Variants in SF3B2 observed in about 807,000 individuals in gnomAD.
SF3B2 encodes splicing factor 3b subunit 2.
A neutral mutation model predicts 116.3 loss-of-function variants in SF3B2; 22 were observed. That is an observed-to-expected ratio of 0.19 (90% CI 0.14 to 0.27). SF3B2 has a LOEUF of 0.27. Among genes scored for constraint, SF3B2 ranks in the 10% least tolerant of loss-of-function variants. The pLI is 1.00. For missense variants in SF3B2, 767 were observed against 1,151.4 expected (o/e 0.67, Z 4.83); for synonymous variants, 406 against 421.6 (o/e 0.96, Z 0.45).
chr11:66,052,915 C>T (rs1049806322), intron 2 of SF3B2, 112 bp from the exon 3 acceptor site: 15 of 1,289,258 alleles, frequency 1.2e-5, no homozygotes, highest in Admixed American at 8.6e-5. Context: ...AGTGCCCAGC[C>T]AGAGCGCTGG....
rs777386858 is a variant in SF3B2, at chr11:66,063,128, G to T, written c.2085+12G>T. ...CTGCTGAATTTCAGGTATGGGCCATGTACTAGCGATCTTGGTTTTACTTAA... is the reference window on the plus strand; with the variant it reads ...CTGCTGAATTTCAGGTATGGGCCATTTACTAGCGATCTTGGTTTTACTTAA... On this transcript the variant is annotated intron_variant, in intron 17 of 21. Coordinates refer to ENST00000322535, the MANE Select transcript of SF3B2 (RefSeq NM_006842.3). 31 of 1,582,718 alleles carry T rather than the reference G, an allele frequency of 2.0e-5. No individual in the cohort carries two copies. Among genetic ancestry groups the T allele is most frequent in the Non-Finnish European group, 2.3e-5 (26 of 1,154,372 alleles).
At chr11:66,057,454 TTC>T (rs776630108) in intron 7 of SF3B2, 79 bp downstream of exon 7, 15 of 753,538 alleles carry the variant, frequency 2.0e-5, no homozygotes, top group African/African-American at 8.8e-5. Context: ...TAGAGAAAGG[TTC>T]TGTGAGAAGA....
rs767168978 is a variant in SF3B2, at chr11:66,067,979, A to G, written c.2364A>G (p.Pro788=). The G allele has an allele frequency of 1.9e-6, 3 of 1,614,060 alleles. No homozygotes were observed. In the East Asian group the frequency reaches 6.7e-5, roughly 36 times the overall value. Residue 788 remains proline, a synonymous_variant, in exon 20 of 22, where the codon CCA becomes CCG. Transcript: ENST00000322535. ...SETPQLFTVL[P]EKRTATVGGA... Reference sequence around the variant, plus strand: ...CACCTCAGCTCTTCACTGTGTTGCCAGAGAAGAGAACAGCCACTGTTGGAG... The same window carrying G: ...CACCTCAGCTCTTCACTGTGTTGCCGGAGAAGAGAACAGCCACTGTTGGAG...
At chr11:66,061,203 A>G (rs1444844434) in intron 14 of SF3B2, among the ~76,000 whole-genome samples, 1 of 152,162 alleles carries the variant, frequency 6.6e-6, no homozygotes, top group Non-Finnish European at 1.5e-5. Context: ...TGGAGGAGAG[A>G]TGCAGATCTG....
At chr11:66,063,837 C>T in intron 19 of SF3B2, 108 bp downstream of exon 19, 1 of 857,168 alleles carries the variant, frequency 1.2e-6, no homozygotes, top group Non-Finnish European at 1.7e-6. Flanking sequence ...ATTATTGAAC[C>T]AACTCTCTGC....
At chr11:66,067,910 C>G in intron 19 of SF3B2, 36 bp from the exon 20 acceptor site, 1 of 1,581,734 alleles carries the variant, frequency 6.3e-7, no homozygotes, top group South Asian at 1.1e-5. Context: ...CCTTTTGTCC[C>G]TTGCTTTTTG....
At position 66,055,570 on chromosome 11, in the gene SF3B2, G is replaced by C; in HGVS notation, c.534G>C (p.Leu178Phe). Residue 178 changes from leucine (L) to phenylalanine (F), a missense_variant, in exon 5 of 22, where the codon TTG becomes TTC. Coordinates refer to ENST00000322535, the MANE Select transcript of SF3B2 (RefSeq NM_006842.3). ...ATTCGCTGAAGGAACATGAGCTCTT[G>C]GAGCAGCAGAAGCGGGTAATACCCC... ...GDHSLKEHEL[L>F]EQQKRAAVLL... 1 of 1,614,174 alleles carries C rather than the reference G, an allele frequency of 6.2e-7. No homozygotes were observed. The highest frequency in any genetic ancestry group is 8.5e-7 in the Non-Finnish European group (1 of 1,180,042).
chr11:66,056,112 C>T (rs532914672), intron 5 of SF3B2, among the ~76,000 whole-genome samples: 1 of 152,278 alleles, frequency 6.6e-6, no homozygotes, highest in South Asian at 2.1e-4. Context: ...TAAAAAGCAA[C>T]AAGTATGAGC....
chr11:66,059,366 C>T lies in SF3B2; in HGVS notation c.1320+28C>T. ...CAGGCCCAGCCCTCCTGGTGGGAAG[C>T]AGGGACTCTGGGCACAGGTGGCTGA... is the stretch of plus-strand genomic sequence containing the variant. On this transcript the variant is annotated intron_variant, in intron 11 of 21. Coordinates refer to ENST00000322535, the MANE Select transcript of SF3B2 (RefSeq NM_006842.3). This position sits in a 1 kb window ranked among gnomAD's most constrained non-coding sequence, Gnocchi z 5.0. The T allele has an allele frequency of 1.9e-6, 3 of 1,613,322 alleles. No individual in the cohort carries two copies. The highest frequency in any genetic ancestry group is 2.5e-6 in the Non-Finnish European group (3 of 1,179,578).
chr11:66,059,423 T>C lies in SF3B2; in HGVS notation c.1320+85T>C. 6.2e-7 allele frequency: 1 copy of C among 1,609,740 alleles called. No homozygotes were observed. The highest frequency in any genetic ancestry group is 8.5e-7 in the Non-Finnish European group (1 of 1,176,350). ...TCCAGAGAGGGACCATGGTGAACTC[T>C]TACAGAGCTTTGGTGGCTTAAGGTT... On this transcript the variant is annotated intron_variant, in intron 11 of 21. Transcript: ENST00000322535. The surrounding 1 kb of genome is among the most constrained non-coding windows in gnomAD (Gnocchi z 5.0).
At chr11:66,067,356 G>A (rs943547232) in intron 19 of SF3B2, 7 of 455,146 alleles carry the variant, frequency 1.5e-5, no homozygotes, top group African/African-American at 1.0e-4. Flanking sequence ...GACAGGACCC[G>A]ACATCCGTTT....
intron 19 of SF3B2, chr11:66,066,837 TTCTC>T (rs1290878483): frequency 1.3e-5 from 2 of 153,140 alleles, no homozygotes; most frequent in East Asian, 3.8e-4. Flanking sequence ...AGGTCTCGAG[TTCTC>T]TCTCTGCTCT....
At chr11:66,056,054 A>C (rs1310103111) in intron 5 of SF3B2, among the ~76,000 whole-genome samples, 2 of 152,184 alleles carry the variant, frequency 1.3e-5, no homozygotes, top group African/African-American at 2.4e-5. Context: ...GGTGCATTGC[A>C]TCAGTCATTA....
intron 13 of SF3B2, among the ~76,000 whole-genome samples, 153 bp downstream of exon 13, chr11:66,060,162 C>G (rs1442191529): frequency 6.6e-6 from 1 of 152,232 alleles, no homozygotes; most frequent in Admixed American, 6.5e-5. Flanking sequence ...TCTTCCTCCC[C>G]TCTGCCTTCA....
intron 6 of SF3B2, 70 bp from the exon 7 acceptor site, chr11:66,057,196 C>T: frequency 9.6e-7 from 1 of 1,046,380 alleles, no homozygotes; most frequent in Non-Finnish European, 1.5e-6. Context: ...ACCCTTTCAG[C>T]AAGAGAGGTA....
intron 5 of SF3B2, chr11:66,055,962 G>A (rs1045212593): frequency 2.3e-5 from 5 of 217,572 alleles, no homozygotes; most frequent in Non-Finnish European, 3.6e-5. Context: ...ATAGGACTCT[G>A]GGTAATTGAG....
At position 66,068,882 on chromosome 11, in the gene SF3B2, TC is replaced by T; in HGVS notation, c.*140del. 2 of 707,558 alleles carry T rather than the reference TC, an allele frequency of 2.8e-6. No individual in the cohort carries two copies. Among genetic ancestry groups the T allele is most frequent in the East Asian group, 5.3e-5 (2 of 37,464 alleles). 43.8% of individuals were successfully genotyped at this position (707,558 alleles called of 1,614,324 possible). On this transcript the variant is annotated 3_prime_UTR_variant, in exon 22 of 22. Coordinates refer to ENST00000322535, the MANE Select transcript of SF3B2 (RefSeq NM_006842.3). ...GACCTGTTTTGTAAATAAAGCTGTT[TC>T]CCAAGGAAAGAGATGAATATTTAAC...
intron 6 of SF3B2, 86 bp downstream of exon 6, chr11:66,057,041 A>G: frequency 2.0e-6 from 2 of 1,001,564 alleles, no homozygotes; most frequent in Non-Finnish European, 3.2e-6. Context: ...CACATTTAAA[A>G]AGGGCATATA....
At position 66,069,105 on chromosome 11, in the gene SF3B2, G is replaced by C. The variant is rs1385731994; in HGVS notation, c.*360G>C. 2.7e-6 allele frequency: 1 copy of C among 363,966 alleles called. No individual in the cohort carries two copies. Among genetic ancestry groups the C allele is most frequent in the Non-Finnish European group, 5.4e-6 (1 of 185,900 alleles). 22.5% of individuals were successfully genotyped at this position (363,966 alleles called of 1,614,324 possible). The stretch of plus-strand genomic sequence containing the variant: ...CCCTGCTTTGTAGGAAGGCTTGGGG[G>C]AAGTACCTCTAGGTCTGGTTTGACC... On this transcript the variant is annotated 3_prime_UTR_variant, in exon 22 of 22. Transcript: ENST00000322535.
Sources: gnomAD v4.1 joint callset for allele counts (sites outside exome capture counted in the v4.1 genomes callset) on GRCh38, gnomAD v4.1.1 for gene constraint, Gnocchi (gnomAD v3.1) non-coding constraint, MANE v1.5 for transcripts, NCBI Gene and HGNC (gene_info 2026-07-23, HGNC 2026-07-21) for gene names.